The following GNAL variants were observed in gnomAD, a reference collection of about 807,000 sequenced individuals.
The protein encoded by GNAL is G protein subunit alpha L.
In GNAL, 18 loss-of-function variants were observed where a neutral mutation model predicts 55.1. The ratio of observed to expected loss-of-function variants is 0.33; its 90% CI spans 0.23 to 0.48. The LOEUF (loss-of-function observed/expected upper bound fraction) is 0.48. Ranked by LOEUF, GNAL falls within the 20% of genes least tolerant of loss-of-function variation. The pLI is 0.99. For missense variants in GNAL, 412 were observed against 614.1 expected, an observed-to-expected ratio of 0.67 and a Z score of 3.48; for synonymous variants, 253 against 237.0, an observed-to-expected ratio of 1.07 and a Z score of -0.62.
intron 4 of GNAL, among the ~76,000 whole-genome samples, chr18:11,778,297 A>G (rs897730727): frequency 1.3e-5 from 2 of 152,196 alleles, no homozygotes; most frequent in Non-Finnish European, 2.9e-5. Context: ...CATCTGAACT[A>G]TGACCCACCC....
At chr18:11,791,942 C>A (rs1168912864) in intron 4 of GNAL, among the ~76,000 whole-genome samples, 2 of 151,504 alleles carry the variant, frequency 1.3e-5, no homozygotes, top group Non-Finnish European at 2.9e-5. Flanking sequence ...CACAGTTAAG[C>A]CAGTCTGTTA....
chr18:11,691,591 T>C (rs1309869936), intron 1 of GNAL, among the ~76,000 whole-genome samples: 7 of 151,112 alleles, frequency 4.6e-5, no homozygotes, highest in African/African-American at 1.2e-4. Context: ...TTTATGGTTT[T>C]AGGTCTAACG....
chr18:11,761,949 G>A (rs1874021715), intron 4 of GNAL, among the ~76,000 whole-genome samples: 1 of 152,226 alleles, frequency 6.6e-6, no homozygotes, highest in African/African-American at 2.4e-5. Context: ...GCTGGAAGCA[G>A]TGAACGCCTG....
chr18:11,696,808 G>A (rs1193988405), intron 1 of GNAL, among the ~76,000 whole-genome samples: 1 of 152,122 alleles, frequency 6.6e-6, no homozygotes, highest in African/African-American at 2.4e-5. Flanking sequence ...CTGAAAACAG[G>A]TAGTTTTGTC....
At chr18:11,879,343 T>C (rs594792) in intron 11 of GNAL, among the ~76,000 whole-genome samples, 118,094 of 151,786 alleles carry the variant, frequency 0.78, 46,504 homozygotes, top group African/African-American at 0.89. Context: ...CCAGGGATTC[T>C]CGTGGCACCA....
chr18:11,721,035 G>A (rs1383305751), intron 1 of GNAL, among the ~76,000 whole-genome samples: 1 of 152,172 alleles, frequency 6.6e-6, no homozygotes, highest in African/African-American at 2.4e-5. Context: ...TTCAATAATG[G>A]AGATTGTCAA....
At chr18:11,762,609 G>A (rs980614066) in intron 4 of GNAL, among the ~76,000 whole-genome samples, 1 of 152,204 alleles carries the variant, frequency 6.6e-6, no homozygotes, top group African/African-American at 2.4e-5. Context: ...TTCAGGGTGG[G>A]TGGCACCTTC....
chr18:11,689,406 C>T lies in GNAL; in HGVS notation c.-158C>T, dbSNP rs958057295. ...CGGCCCCGGCCTGCCGCACCCCCTTCCCGCAGCTGGCGGCCGGCAGCGCCG... is the reference window on the plus strand; with the variant it reads ...CGGCCCCGGCCTGCCGCACCCCCTTTCCGCAGCTGGCGGCCGGCAGCGCCG... On this transcript the variant is annotated 5_prime_UTR_variant, in exon 1 of 12. Coordinates refer to ENST00000334049, the MANE Select transcript of GNAL (RefSeq NM_182978.4). 7 of 363,436 alleles carry T rather than the reference C, an allele frequency of 1.9e-5. No individual in the cohort carries two copies. Among genetic ancestry groups the T allele is most frequent in the African/African-American group, 6.4e-5 (3 of 47,164 alleles). 22.5% of individuals were successfully genotyped at this position (363,436 alleles called of 1,614,324 possible). A position where few individuals can be genotyped will look rare whatever the true frequency, so the allele number is the denominator to read the frequency against.
At chr18:11,808,419 C>T (rs970587341) in intron 4 of GNAL, among the ~76,000 whole-genome samples, 12 of 152,198 alleles carry the variant, frequency 7.9e-5, no homozygotes, top group African/African-American at 2.7e-4. Flanking sequence ...GGGACTATCT[C>T]TGTGCGAATT....
chr18:11,810,797 A>C (rs1229511494), intron 4 of GNAL: 1 of 152,284 alleles, frequency 6.6e-6, no homozygotes, highest in African/African-American at 2.4e-5. Flanking sequence ...CACGCTGGCT[A>C]TAAGTGCATT....
At chr18:11,789,876 A>G (rs2034180437) in intron 4 of GNAL, among the ~76,000 whole-genome samples, 1 of 152,240 alleles carries the variant, frequency 6.6e-6, no homozygotes, top group Non-Finnish European at 1.5e-5. Context: ...CTTCTAGCTC[A>G]TTGATGCTGC....
rs200176824 is a variant in GNAL at position 11,752,595 on chromosome 18, C to T, written c.377-258C>T. The T allele has an allele frequency of 1.8e-5, 28 of 1,581,688 alleles. No homozygotes were observed. Among genetic ancestry groups the T allele is most frequent in the Non-Finnish European group, 2.3e-5 (27 of 1,168,398 alleles). On this transcript the variant is annotated intron_variant, in intron 1 of 11. Coordinates refer to ENST00000334049, the MANE Select transcript of GNAL (RefSeq NM_182978.4). The surrounding 1 kb of genome is among the most constrained non-coding windows in gnomAD (Gnocchi z 4.5). ...TGCTCCTGGGTAAGGCCGAGGGGCG[C>T]GCGGCGGCTCCCGGCCCCAGCGGAG...
At chr18:11,839,552 CA>C (rs3078934) in intron 5 of GNAL, among the ~76,000 whole-genome samples, 82 of 81,656 alleles carry the variant, frequency 1.0e-3, no homozygotes, top group Non-Finnish European at 1.4e-3. Context: ...GACCTTGCCT[CA>C]AAAAAAAAAA....
Position 11,882,817 on chromosome 18 carries a change from TACGGCTCTTTCTCAC to T in GNAL, c.*1685_*1699del, listed in dbSNP as rs1470978598. ...TAATCTGAAGTATAAAGTCAAAAGA[TACGGCTCTTTCTCAC>T]ACTTGCAAGACTTACAAATACAGCC... On this transcript the variant is annotated 3_prime_UTR_variant, in exon 12 of 12. Transcript: ENST00000334049. 1 of 152,006 alleles carries T rather than the reference TACGGCTCTTTCTCAC, an allele frequency of 6.6e-6. No individual in the cohort carries two copies. Among genetic ancestry groups the T allele is most frequent in the African/African-American group, 2.4e-5 (1 of 41,376 alleles). The allele number at this position is 152,006 out of a possible 1,614,324, so 9.4% of individuals were successfully genotyped here. A position where few individuals can be genotyped will look rare whatever the true frequency, so the allele number is the denominator to read the frequency against.
chr18:11,828,193 C>G (rs1018665574), intron 5 of GNAL, among the ~76,000 whole-genome samples: 3 of 152,060 alleles, frequency 2.0e-5, no homozygotes, highest in African/African-American at 7.2e-5. Flanking sequence ...ATCTTTTCCT[C>G]TTACTCTCAC....
intron 4 of GNAL, among the ~76,000 whole-genome samples, chr18:11,796,461 T>C (rs965868271): frequency 2.0e-5 from 3 of 150,758 alleles, no homozygotes; most frequent in Non-Finnish European, 2.9e-5. Context: ...GCGCCTGTAG[T>C]CCCAGCTACT....
chr18:11,767,685 C>T (rs2033454750), intron 4 of GNAL, among the ~76,000 whole-genome samples: 1 of 152,176 alleles, frequency 6.6e-6, no homozygotes, highest in Non-Finnish European at 1.5e-5. Context: ...CACAATTGCG[C>T]TCTGTGCATC....
At chr18:11,870,504 G>A (rs1294418111) in intron 9 of GNAL, among the ~76,000 whole-genome samples, 1 of 152,078 alleles carries the variant, frequency 6.6e-6, no homozygotes, top group Non-Finnish European at 1.5e-5. Flanking sequence ...CTGGGCAACA[G>A]AGTGAGACTC....
At chr18:11,770,228 C>T (rs2033591020) in intron 4 of GNAL, among the ~76,000 whole-genome samples, 1 of 151,788 alleles carries the variant, frequency 6.6e-6, no homozygotes, top group Admixed American at 6.6e-5. Flanking sequence ...AATTTTTGAA[C>T]TATTTGAATT....
Sources: allele counts gnomAD v4.1 joint callset (sites outside exome capture counted in the v4.1 genomes callset), GRCh38; gene constraint gnomAD v4.1.1; non-coding constraint Gnocchi (gnomAD v3.1); transcripts MANE v1.5; gene names NCBI Gene and HGNC (gene_info 2026-07-23, HGNC 2026-07-21).